GALNT17: variants seen among roughly 807,000 people sequenced by gnomAD.
GALNT17 encodes polypeptide N-acetylgalactosaminyltransferase 17, also known as UDP-GalNAc:polypeptide N-acetylgalactosaminyltransferase-like 3.
GALNT17 carries 29 observed loss-of-function variants against 63.7 expected under a neutral mutation model. The observed-to-expected ratio is 0.46, with a 90% CI of 0.34 to 0.62. The LOEUF is 0.62. Among genes scored for constraint, GALNT17 ranks in the 20% least tolerant of loss-of-function variants. The pLI is 0.01. For synonymous variants in GALNT17, 305 were observed against 318.3 expected (o/e 0.96, Z 0.45); for missense variants, 603 against 799.6 (o/e 0.75, Z 2.97).
At chr7:71,641,559 G>A (rs1368802427) in intron 6 of GALNT17, among the ~76,000 whole-genome samples, 1 of 151,982 alleles carries the variant, frequency 6.6e-6, no homozygotes, top group Non-Finnish European at 1.5e-5. Flanking sequence ...CTCACGTAGT[G>A]GAAGGAGTGA....
chr7:71,466,610 AAG>A lies in GALNT17; in HGVS notation c.962+45511_962+45512del, dbSNP rs1787540141. ...AGAGTCTGACACTTTTTGTGGTCCA[AAG>A]AGAGATATTTACCATCTATTCTCTC... is the stretch of plus-strand genomic sequence containing the variant. On this transcript the variant is annotated intron_variant, in intron 5 of 10. Transcript: ENST00000333538. 9.2e-5 allele frequency among the ~76,000 whole-genome samples: 14 copies of A among 152,222 alleles called. No homozygotes were observed. The South Asian group carries it at 2.9e-3, about 32-fold the overall frequency.
At chr7:71,500,358 A>G (rs995903101) in intron 5 of GALNT17, among the ~76,000 whole-genome samples, 2 of 152,148 alleles carry the variant, frequency 1.3e-5, no homozygotes, top group Non-Finnish European at 2.9e-5. Flanking sequence ...CTGTTTGTTG[A>G]CTGCACGATG....
intron 1 of GALNT17, among the ~76,000 whole-genome samples, chr7:71,151,570 G>A (rs376840534): frequency 4.0e-5 from 6 of 150,128 alleles, no homozygotes; most frequent in Non-Finnish European, 7.4e-5. Context: ...GCAGTGAGCC[G>A]AGATCGCGCC....
At chr7:71,509,725 G>A (rs1788323838) in intron 5 of GALNT17, among the ~76,000 whole-genome samples, 2 of 152,154 alleles carry the variant, frequency 1.3e-5, no homozygotes, top group Admixed American at 1.3e-4. Context: ...AGCACTGTCA[G>A]GGGAAGGGAG....
intron 5 of GALNT17, among the ~76,000 whole-genome samples, chr7:71,444,124 C>T (rs1338533404): frequency 3.9e-5 from 6 of 152,360 alleles, no homozygotes; most frequent in Admixed American, 3.9e-4. Flanking sequence ...GCCCTGCTGG[C>T]ATTCCCAGAA....
chr7:71,480,343 G>C (rs527245141), intron 5 of GALNT17, among the ~76,000 whole-genome samples: 24 of 150,986 alleles, frequency 1.6e-4, no homozygotes, highest in African/African-American at 5.3e-4. Flanking sequence ...TGCCCTCTGC[G>C]GACTCTTGCA....
At chr7:71,214,946 C>T (rs756456595) in intron 1 of GALNT17, among the ~76,000 whole-genome samples, 1 of 152,116 alleles carries the variant, frequency 6.6e-6, no homozygotes, top group Admixed American at 6.6e-5. Flanking sequence ...ATCATTTGCT[C>T]CCCTGCATTC....
chr7:71,348,804 A>C (rs1198093696), intron 2 of GALNT17, among the ~76,000 whole-genome samples: 1 of 152,158 alleles, frequency 6.6e-6, no homozygotes, highest in Non-Finnish European at 1.5e-5. Flanking sequence ...TCACACTGTT[A>C]CTGGGGACTT....
At chr7:71,589,963 T>G (rs1417098203) in intron 6 of GALNT17, among the ~76,000 whole-genome samples, 1 of 152,230 alleles carries the variant, frequency 6.6e-6, no homozygotes, top group Non-Finnish European at 1.5e-5. Context: ...ATAATGCATA[T>G]CATAAAACAA....
chr7:71,254,922 A>G (rs941992860), intron 1 of GALNT17, among the ~76,000 whole-genome samples: 2 of 152,194 alleles, frequency 1.3e-5, no homozygotes, highest in African/African-American at 2.4e-5. Context: ...TCTAGTTTAA[A>G]ACTGGAGCTT....
At chr7:71,419,599 G>C (rs1786620857) in intron 4 of GALNT17, among the ~76,000 whole-genome samples, 1 of 152,040 alleles carries the variant, frequency 6.6e-6, no homozygotes, top group Admixed American at 6.6e-5. Flanking sequence ...CCACGGGAGA[G>C]GTGGTACTTG....
At chr7:71,395,952 T>C (rs1793130900) in intron 3 of GALNT17, among the ~76,000 whole-genome samples, 1 of 152,220 alleles carries the variant, frequency 6.6e-6, no homozygotes, top group Non-Finnish European at 1.5e-5. Flanking sequence ...TTTGACTTTT[T>C]AAATTATTGA....
rs1330495039 is a variant in GALNT17 at position 71,403,978 on chromosome 7, C to T, written c.590-11911C>T. Among the ~76,000 whole-genome samples, 3 of 152,134 alleles carry T rather than the reference C, an allele frequency of 2.0e-5. No homozygotes were observed. The East Asian group carries it at 5.8e-4, about 29-fold the overall frequency. On this transcript the variant is annotated intron_variant, in intron 3 of 10. Transcript: ENST00000333538. ...CCCAGCCTGTAGACAAATTTGATTG[C>T]TGAAATTCACGTGTTATTATTAGAA...
At chr7:71,166,717 T>C (rs1412188856) in intron 1 of GALNT17, among the ~76,000 whole-genome samples, 2 of 152,242 alleles carry the variant, frequency 1.3e-5, no homozygotes, top group African/African-American at 4.8e-5. Flanking sequence ...TACCACAGTT[T>C]GTTTACCCAT....
chr7:71,282,840 T>A (rs553549466), intron 1 of GALNT17, among the ~76,000 whole-genome samples: 2 of 151,592 alleles, frequency 1.3e-5, no homozygotes, highest in African/African-American at 4.8e-5. Context: ...TACCTGGAAA[T>A]GGTTTGCCAG....
At position 71,558,757 on chromosome 7, in the gene GALNT17, T is replaced by G. The variant is rs374315459; in HGVS notation, c.963-12528T>G. Reference sequence around the variant, plus strand: ...TCAAGGAAATATGATTACCAAAAAGTAAAAGTATTATCCCGAGAAAATTGC... The same window carrying G: ...TCAAGGAAATATGATTACCAAAAAGGAAAAGTATTATCCCGAGAAAATTGC... On this transcript the variant is annotated intron_variant, in intron 5 of 10. Coordinates refer to ENST00000333538, the MANE Select transcript of GALNT17 (RefSeq NM_022479.3). Among the ~76,000 whole-genome samples, 8 of 152,206 alleles carry G rather than the reference T, an allele frequency of 5.3e-5. No homozygotes were observed. In the East Asian group the frequency reaches 9.6e-4, roughly 18 times the overall value.
At chr7:71,511,918 A>G (rs745585560) in intron 5 of GALNT17, among the ~76,000 whole-genome samples, 1 of 151,876 alleles carries the variant, frequency 6.6e-6, no homozygotes, top group Non-Finnish European at 1.5e-5. Context: ...CTTAGGACAC[A>G]TGTCCCATCT....
At chr7:71,208,574 C>T (rs1040631527) in intron 1 of GALNT17, among the ~76,000 whole-genome samples, 28 of 151,390 alleles carry the variant, frequency 1.8e-4, no homozygotes, top group African/African-American at 6.3e-4. Context: ...TCTCAGCCTC[C>T]AGGGTAGCTG....
chr7:71,603,860 A>T (rs1269608694), intron 6 of GALNT17, among the ~76,000 whole-genome samples: 2 of 151,678 alleles, frequency 1.3e-5, no homozygotes, highest in African/African-American at 4.8e-5. Context: ...TACACCAGGC[A>T]CTGTGCTAAG....
Sources: gnomAD v4.1 joint callset for allele counts (sites outside exome capture counted in the v4.1 genomes callset) on GRCh38, gnomAD v4.1.1 for gene constraint, MANE v1.5 for transcripts, NCBI Gene and HGNC (gene_info 2026-07-23, HGNC 2026-07-21) for gene names.